Variants in NDST3 observed in about 807,000 individuals in gnomAD.
NDST3 encodes N-deacetylase and N-sulfotransferase 3.
NDST3 carries 58 observed loss-of-function variants against 96.1 expected under a neutral mutation model. The observed-to-expected ratio is 0.60, with a 90% CI of 0.49 to 0.75. The LOEUF (loss-of-function observed/expected upper bound fraction) is 0.75, where lower values mean the gene tolerates loss of function less well. Ranked by LOEUF, NDST3 falls within the 30% of genes least tolerant of loss-of-function variation. NDST3 has a pLI of 0.00. For synonymous variants in NDST3, 333 were observed against 359.7 expected, an observed-to-expected ratio of 0.93 and a Z score of 0.84; for missense variants, 788 against 1,034.2, an observed-to-expected ratio of 0.76 and a Z score of 3.27.
At chr4:118,184,608 C>CT (rs765757826) in intron 6 of NDST3, among the ~76,000 whole-genome samples, 3,250 of 144,850 alleles carry the variant, frequency 0.022, 48 homozygotes, top group African/African-American at 0.031. Flanking sequence ...TCTCTACACA[C>CT]ACACACACAC....
intron 6 of NDST3, among the ~76,000 whole-genome samples, chr4:118,186,698 A>T (rs1278622256): frequency 6.6e-6 from 1 of 152,198 alleles, no homozygotes; most frequent in Non-Finnish European, 1.5e-5. Flanking sequence ...CCCAGGATCA[A>T]TACTTTGCAT....
chr4:118,155,758 G>A (rs1461291721), intron 6 of NDST3, among the ~76,000 whole-genome samples: 1 of 152,118 alleles, frequency 6.6e-6, no homozygotes, highest in African/African-American at 2.4e-5. Flanking sequence ...ATAACATTAA[G>A]TGAGAACTTA....
At chr4:118,127,905 C>A (rs1204470291) in intron 4 of NDST3, among the ~76,000 whole-genome samples, 2 of 151,734 alleles carry the variant, frequency 1.3e-5, no homozygotes, top group Admixed American at 6.6e-5. Flanking sequence ...AGAGATCTTT[C>A]ACTTTTTGGT....
intron 1 of NDST3, among the ~76,000 whole-genome samples, chr4:118,040,349 C>A (rs1430909539): frequency 6.6e-6 from 1 of 151,954 alleles, no homozygotes; most frequent in Non-Finnish European, 1.5e-5. Context: ...ATAATGAAAA[C>A]CAAGAAGTAT....
intron 6 of NDST3, among the ~76,000 whole-genome samples, chr4:118,214,316 T>C (rs890993855): frequency 6.6e-6 from 1 of 152,156 alleles, no homozygotes; most frequent in Non-Finnish European, 1.5e-5. Context: ...CACATGTGAA[T>C]TGAATTCTTG....
chr4:118,097,189 ATG>A (rs543240489), intron 2 of NDST3, among the ~76,000 whole-genome samples: 41 of 152,072 alleles, frequency 2.7e-4, no homozygotes, highest in African/African-American at 9.9e-4. Flanking sequence ...TTCTCATGTA[ATG>A]TTAACCCTCA....
At chr4:118,036,606 T>G (rs1578517551) in intron 1 of NDST3, among the ~76,000 whole-genome samples, 1 of 152,196 alleles carries the variant, frequency 6.6e-6, no homozygotes, top group Non-Finnish European at 1.5e-5. Flanking sequence ...TGAACAATCC[T>G]CAAAACTATT....
At chr4:118,196,714 T>G (rs1452430794) in intron 6 of NDST3, among the ~76,000 whole-genome samples, 4 of 152,102 alleles carry the variant, frequency 2.6e-5, no homozygotes, top group Admixed American at 2.6e-4. Flanking sequence ...ATCTCTGATT[T>G]TACATATTTG....
In NDST3 at chr4:118,094,014, C is replaced by T. The variant is rs1377502278; in HGVS notation, c.982-11004C>T. 1.3e-4 allele frequency among the ~76,000 whole-genome samples: 19 copies of T among 151,724 alleles called. 1 individual carries two copies. Among genetic ancestry groups the T allele is most frequent in the Non-Finnish European group, 1.5e-5 (1 of 67,846 alleles). ...GAAGAAGCAAGCCCACTTCCTCAAG[C>T]CTTTTTATAAGGTCATTGATCCCAA... On this transcript the variant is annotated intron_variant, in intron 2 of 13. Transcript: ENST00000296499.
At chr4:118,231,489 GTAAA>G (rs1473923128) in intron 8 of NDST3, among the ~76,000 whole-genome samples, 1 of 150,662 alleles carries the variant, frequency 6.6e-6, no homozygotes, top group Non-Finnish European at 1.5e-5. Flanking sequence ...TACCATTTAA[GTAAA>G]TAAATAATAA....
chr4:118,079,364 A>C (rs1001317206), intron 2 of NDST3, among the ~76,000 whole-genome samples: 8 of 152,226 alleles, frequency 5.3e-5, no homozygotes, highest in African/African-American at 1.9e-4. Flanking sequence ...GATTTAGAGA[A>C]GCTGAAAGGG....
chr4:118,167,443 T>C (rs1735626516), intron 6 of NDST3, among the ~76,000 whole-genome samples: 1 of 151,910 alleles, frequency 6.6e-6, no homozygotes, highest in South Asian at 2.1e-4. Flanking sequence ...TACTCCATGG[T>C]CATAGATTGG....
chr4:118,143,727 G>A (rs1410485402), intron 6 of NDST3, 43 bp downstream of exon 6: 1 of 1,543,912 alleles, frequency 6.5e-7, no homozygotes, highest in African/African-American at 1.4e-5. Flanking sequence ...AAATGATAGG[G>A]CTGGCAAAAA....
intron 2 of NDST3, among the ~76,000 whole-genome samples, chr4:118,063,860 T>C (rs1302800728): frequency 6.6e-6 from 1 of 152,138 alleles, no homozygotes; most frequent in Non-Finnish European, 1.5e-5. Context: ...TCTGAGCTTT[T>C]CCACCTCATG....
chr4:118,049,548 A>G (rs1053640270), intron 1 of NDST3, among the ~76,000 whole-genome samples: 1 of 151,884 alleles, frequency 6.6e-6, no homozygotes, highest in Non-Finnish European at 1.5e-5. Context: ...ATAACATTAC[A>G]ACTAATCCCA....
Position 118,054,641 on chromosome 4 carries a change from T to C in NDST3, c.731T>C (p.Leu244Pro). ...GCCAAAGTAAAGACCCCAGAAAACC[T>C]TTCTCCTTCCATCTCTAAAGGTGCT... The part of the protein sequence containing the change: ...IFAKVKTPEN[L>P]SPSISKGAFY... Residue 244 changes from leucine to proline, a missense_variant, in exon 2 of 14, where the codon CTT (leucine) becomes CCT (proline). By Grantham distance (98) the Leu-to-Pro change is moderately conservative. This residue lies in a region of NDST3 where 490 missense variants were observed against 708.8 expected (regional missense o/e 0.69). Coordinates refer to ENST00000296499, the MANE Select transcript of NDST3 (RefSeq NM_004784.3). The C allele has an allele frequency of 6.2e-7, 1 of 1,613,246 alleles. No individual in the cohort carries two copies.
Position 118,141,298 on chromosome 4 carries a change from G to A in NDST3, c.1411-2258G>A, listed in dbSNP as rs115227033. 3.4e-3 allele frequency among the ~76,000 whole-genome samples: 515 copies of A among 152,152 alleles called. 2 individuals are homozygous for A. Among genetic ancestry groups the A allele is most frequent in the African/African-American group, 0.012 (479 of 41,468 alleles). ...CCTAAAAATGTTTCTCATCCTTTCCGTAGCATAAGAAAGCTGTTTCAAGGA... is the reference window on the plus strand; with the variant it reads ...CCTAAAAATGTTTCTCATCCTTTCCATAGCATAAGAAAGCTGTTTCAAGGA... On this transcript the variant is annotated intron_variant, in intron 5 of 13. Coordinates refer to ENST00000296499, the MANE Select transcript of NDST3 (RefSeq NM_004784.3).
chr4:118,221,933 C>A (rs531294336), intron 6 of NDST3, among the ~76,000 whole-genome samples: 5 of 151,512 alleles, frequency 3.3e-5, no homozygotes, highest in African/African-American at 9.7e-5. Flanking sequence ...TTGACACTTT[C>A]CATCTCATTG....
At chr4:118,192,666 T>C (rs1356303783) in intron 6 of NDST3, among the ~76,000 whole-genome samples, 6 of 152,122 alleles carry the variant, frequency 3.9e-5, no homozygotes, top group Non-Finnish European at 8.8e-5. Flanking sequence ...GCCAACAACA[T>C]GCTGTTTTGG....
Sources: gnomAD v4.1 joint callset for allele counts (sites outside exome capture counted in the v4.1 genomes callset) on GRCh38, gnomAD v4.1.1 for gene constraint, gnomAD v4.1.1 regional missense constraint, MANE v1.5 for transcripts, NCBI Gene and HGNC (gene_info 2026-07-23, HGNC 2026-07-21) for gene names.